Variants in ATP8B1 observed in about 807,000 individuals in gnomAD.
ATP8B1 encodes the protein phospholipid-transporting ATPase IC.
In ATP8B1, 80 loss-of-function variants were observed where a neutral mutation model predicts 149.9. The observed-to-expected ratio is 0.53, with a 90% CI of 0.45 to 0.64. The LOEUF is 0.64. Ranked by LOEUF, ATP8B1 falls within the 30% of genes least tolerant of loss-of-function variation. ATP8B1 has a pLI of 0.00. For missense variants in ATP8B1, 1,247 were observed against 1,552.6 expected, an observed-to-expected ratio of 0.80 and a Z score of 3.31; for synonymous variants, 536 against 562.8, an observed-to-expected ratio of 0.95 and a Z score of 0.67.
At position 57,701,917 on chromosome 18, in the gene ATP8B1, C is replaced by T. The variant is rs188554863; in HGVS notation, c.394-604G>A. On this transcript the variant is annotated intron_variant, in intron 4 of 27. Transcript: ENST00000648908. ...TTCACCATGTTGGCCAGGCTGGTCT[C>T]GAACTCCTGACCTCAGGCAATCCTC... 2.3e-4 allele frequency among the ~76,000 whole-genome samples: 35 copies of T among 152,162 alleles called. 1 individual carries two copies. In the East Asian group the frequency reaches 5.2e-3, roughly 23 times the overall value.
At position 57,701,220 on chromosome 18, in the gene ATP8B1, C is replaced by T. The variant is rs1374298328; in HGVS notation, c.487G>A (p.Asp163Asn). 5 of 1,613,980 alleles carry T rather than the reference C, an allele frequency of 3.1e-6. No individual in the cohort carries two copies. Among genetic ancestry groups the T allele is most frequent in the East Asian group, 4.5e-5 (2 of 44,894 alleles). Residue 163 changes from aspartate to asparagine, a missense_variant, in exon 5 of 28, where the codon GAT becomes AAT. By Grantham distance (23) the Asp-to-Asn change is conservative (BLOSUM62 1). This residue lies in a region of ATP8B1 where 853 missense variants were observed against 1,035.7 expected (regional missense o/e 0.82). Transcript: ENST00000648908. ...GVTAIKDLVD[D>N]VARHKMDKEI... Reference sequence around the variant, plus strand: ...GTTGTATGAGAAATCCTCACCACATCGTCCACCAGGTCTTTGATTGCAGTG... The same window carrying T: ...GTTGTATGAGAAATCCTCACCACATTGTCCACCAGGTCTTTGATTGCAGTG...
chr18:57,715,842 T>A (rs1202481089), intron 2 of ATP8B1, among the ~76,000 whole-genome samples: 2 of 152,040 alleles, frequency 1.3e-5, no homozygotes, highest in East Asian at 3.9e-4. Context: ...CTAAACAGAG[T>A]ACATTAATCA....
At chr18:57,774,149 C>A (rs73446918) in intron 1 of ATP8B1, among the ~76,000 whole-genome samples, 7 of 152,302 alleles carry the variant, frequency 4.6e-5, no homozygotes, top group Non-Finnish European at 7.4e-5. Context: ...GCTCTTCCCC[C>A]GTAGCCACAA....
At chr18:57,750,442 T>A (rs1050309250) in intron 1 of ATP8B1, among the ~76,000 whole-genome samples, 1 of 152,246 alleles carries the variant, frequency 6.6e-6, no homozygotes, top group African/African-American at 2.4e-5. Context: ...GTGCTCTGAA[T>A]AGACTGTGCT....
At chr18:57,683,135 T>C (rs1354886951) in intron 15 of ATP8B1, among the ~76,000 whole-genome samples, 1 of 152,166 alleles carries the variant, frequency 6.6e-6, no homozygotes, top group Admixed American at 6.5e-5. Context: ...GGCCTACACA[T>C]TTAGTTTTTA....
At chr18:57,733,482 G>A (rs200042277) in intron 1 of ATP8B1, among the ~76,000 whole-genome samples, 15 of 152,156 alleles carry the variant, frequency 9.9e-5, no homozygotes, top group East Asian at 7.7e-4. Context: ...CGAGGTGGGC[G>A]GATCACGAGG....
intron 9 of ATP8B1, 22 bp from the exon 10 acceptor site, chr18:57,695,351 C>G: frequency 1.9e-6 from 3 of 1,591,866 alleles, no homozygotes; most frequent in Non-Finnish European, 2.6e-6. Context: ...ATAAGATTCA[C>G]ATAATTAATC....
chr18:57,662,154 C>T (rs1910495275), intron 21 of ATP8B1, among the ~76,000 whole-genome samples: 1 of 152,216 alleles, frequency 6.6e-6, no homozygotes, highest in African/African-American at 2.4e-5. Context: ...CTGCTTCAAC[C>T]TCCAGAGGAG....
In ATP8B1 at chr18:57,792,327, G is replaced by T. The variant is rs186263099; in HGVS notation, c.-26+10671C>A. ...AATTTTTTTTTTTTACAATTAAAAA[G>T]AATTGAGACAGGGTCTTGCCACGTT... On this transcript the variant is annotated intron_variant, in intron 1 of 27. Coordinates refer to ENST00000648908, the MANE Select transcript of ATP8B1 (RefSeq NM_001374385.1). Among the ~76,000 whole-genome samples the T allele has an allele frequency of 9.9e-5, 15 of 151,514 alleles. No homozygotes were observed. The East Asian group carries it at 2.9e-3, about 29-fold the overall frequency.
At chr18:57,758,264 T>A (rs8096826) in intron 1 of ATP8B1, among the ~76,000 whole-genome samples, 68,457 of 151,944 alleles carry the variant, frequency 0.45, 15,809 homozygotes, top group Middle Eastern at 0.52. Flanking sequence ...TCCTCACATA[T>A]CCCCTTCTCC....
chr18:57,765,389 G>A (rs952675680), intron 1 of ATP8B1, among the ~76,000 whole-genome samples: 3 of 152,194 alleles, frequency 2.0e-5, no homozygotes, highest in Non-Finnish European at 4.4e-5. Context: ...AAATGGTTGG[G>A]TCGGGTGCAG....
intron 2 of ATP8B1, among the ~76,000 whole-genome samples, chr18:57,713,196 TTTCCTTCCTTCCTTCCTTCC>T (rs71171072): frequency 5.6e-5 from 5 of 89,874 alleles, no homozygotes; most frequent in Non-Finnish European, 1.2e-4. Flanking sequence ...TCTTTCTTTC[TTTCCTTCCTTCCTTCCTTCC>T]TTCCTTCCTT....
Position 57,736,453 on chromosome 18 carries a change from G to GTTTTTTTTTTTTTTTTTTTTTTTTT in ATP8B1, c.-25-4622_-25-4621insAAAAAAAAAAAAAAAAAAAAAAAAA, listed in dbSNP as rs71171079. On this transcript the variant is annotated intron_variant, in intron 1 of 27. Transcript: ENST00000648908. ...TTTCTTCTAGTATAAAGTTTTACTA[G>GTTTTTTTTTTTTTTTTTTTTTTTTT]TTTTTTTTTTTTTTTTTTTTTTTTG... Among the ~76,000 whole-genome samples, 4 of 70,142 alleles carry GTTTTTTTTTTTTTTTTTTTTTTTTT rather than the reference G, an allele frequency of 5.7e-5. 2 individuals are homozygous for GTTTTTTTTTTTTTTTTTTTTTTTTT. The highest frequency in any genetic ancestry group is 2.1e-4 in the African/African-American group (4 of 19,248). 46.0% of individuals were successfully genotyped at this position (70,142 alleles called of 152,430 possible). A position where few individuals can be genotyped will look rare whatever the true frequency, so the allele number is the denominator to read the frequency against.
Position 57,650,482 on chromosome 18 carries a change from G to A in ATP8B1, c.3416C>T (p.Ala1139Val), listed in dbSNP as rs1212028067. Reference sequence around the variant, plus strand: ...TAACCAAATGTATGGCTGTCTCAGAGCGTTTGAAGCTGTGCCTGTAAAGAA... The same window carrying A: ...TAACCAAATGTATGGCTGTCTCAGAACGTTTGAAGCTGTGCCTGTAAAGAA... ...AFQFTGTASN[A>V]LRQPYIWLTI... is the part of the protein sequence containing the mutation. Residue 1139 changes from alanine to valine, a missense_variant, in exon 27 of 28, where the codon GCT becomes GTT. By Grantham distance (64) the Ala-to-Val change is moderately conservative. Transcript: ENST00000648908. 8 of 1,613,556 alleles carry A rather than the reference G, an allele frequency of 5.0e-6. No homozygotes were observed. The highest frequency in any genetic ancestry group is 3.3e-5 in the Admixed American group (2 of 59,988).
At chr18:57,686,422 A>G (rs964529674) in intron 13 of ATP8B1, among the ~76,000 whole-genome samples, 4 of 152,044 alleles carry the variant, frequency 2.6e-5, no homozygotes, top group African/African-American at 9.7e-5. Flanking sequence ...AACAGCCTCG[A>G]CGTACCCAGG....
At chr18:57,682,007 A>AT (rs200585995) in intron 15 of ATP8B1, among the ~76,000 whole-genome samples, 2,733 of 144,130 alleles carry the variant, frequency 0.019, 43 homozygotes, top group Non-Finnish European at 0.03. Flanking sequence ...ACTTTGTGTT[A>AT]TTTTTTTTTT....
intron 1 of ATP8B1, among the ~76,000 whole-genome samples, chr18:57,797,453 C>A (rs1425958950): frequency 2.6e-5 from 4 of 152,182 alleles, no homozygotes; most frequent in East Asian, 1.9e-4. Context: ...ACAGAGGTGA[C>A]CCTCCCCTCC....
intron 1 of ATP8B1, among the ~76,000 whole-genome samples, chr18:57,743,817 G>A (rs2079940110): frequency 6.6e-6 from 1 of 152,116 alleles, no homozygotes; most frequent in South Asian, 2.1e-4. Flanking sequence ...AAAGAAATCT[G>A]ATCTGCACAG....
intron 1 of ATP8B1, chr18:57,737,825 A>G (rs939442525): frequency 6.6e-6 from 1 of 152,296 alleles, no homozygotes; most frequent in South Asian, 2.1e-4. Context: ...GCACGGAGGA[A>G]TGGATTTGAC....
Sources: gnomAD v4.1 joint callset for allele counts (sites outside exome capture counted in the v4.1 genomes callset) on GRCh38, gnomAD v4.1.1 for gene constraint, gnomAD v4.1.1 regional missense constraint, MANE v1.5 for transcripts, NCBI Gene and HGNC (gene_info 2026-07-23, HGNC 2026-07-21) for gene names.